Variants in UBE2F observed in about 807,000 individuals in gnomAD.
UBE2F encodes NEDD8-conjugating enzyme UBE2F.
In UBE2F, 5 loss-of-function variants were observed where a neutral mutation model predicts 29.6. That is an observed-to-expected ratio of 0.17 (90% CI 0.09 to 0.36). The LOEUF (loss-of-function observed/expected upper bound fraction) is 0.36, where lower values mean the gene tolerates loss of function less well. Ranked by LOEUF, UBE2F falls within the 10% of genes least tolerant of loss-of-function variation. The probability of loss-of-function intolerance (pLI) is 1.00; values close to 1 mark genes in which losing one functional copy is unlikely to be tolerated. For synonymous variants in UBE2F, 66 were observed against 81.8 expected (o/e 0.81, Z 1.04); for missense variants, 141 against 228.5 (o/e 0.62, Z 2.47).
chr2:238,009,224 A>G (rs1172462747), intron 4 of UBE2F, among the ~76,000 whole-genome samples: 2 of 152,138 alleles, frequency 1.3e-5, no homozygotes, highest in Non-Finnish European at 2.9e-5. Context: ...TTTTTATCAC[A>G]CTTGGGGTTT....
intron 3 of UBE2F, among the ~76,000 whole-genome samples, 194 bp from the exon 4 acceptor site, chr2:237,994,550 A>G (rs2063653463): frequency 6.6e-6 from 1 of 152,236 alleles, no homozygotes; most frequent in African/African-American, 2.4e-5. Context: ...AGCACATGAC[A>G]AAAACCACTG....
At chr2:238,013,235 G>A (rs1212748589) in intron 4 of UBE2F, among the ~76,000 whole-genome samples, 1 of 152,114 alleles carries the variant, frequency 6.6e-6, no homozygotes. Context: ...CCCAGCCTGA[G>A]CAATTGAATG....
At chr2:237,979,388 T>C (rs2063340426) in intron 2 of UBE2F, among the ~76,000 whole-genome samples, 1 of 152,182 alleles carries the variant, frequency 6.6e-6, no homozygotes, top group Non-Finnish European at 1.5e-5. Flanking sequence ...CTCACCTTCC[T>C]ATATGAGGTC....
At chr2:238,039,687 C>G (rs2064797456) in intron 9 of UBE2F, among the ~76,000 whole-genome samples, 1 of 152,186 alleles carries the variant, frequency 6.6e-6, no homozygotes, top group African/African-American at 2.4e-5. Context: ...CTTTGTGTCC[C>G]TTGCAGTAGG....
intron 5 of UBE2F, among the ~76,000 whole-genome samples, chr2:238,019,413 TG>T (rs2064239145): frequency 6.6e-6 from 1 of 152,064 alleles, no homozygotes; most frequent in Non-Finnish European, 1.5e-5. Flanking sequence ...AGTCTCACTC[TG>T]TTGCCCAGGC....
intron 2 of UBE2F, among the ~76,000 whole-genome samples, chr2:237,984,301 C>T (rs1040672587): frequency 3.9e-5 from 6 of 152,286 alleles, no homozygotes; most frequent in Middle Eastern, 3.4e-3. Context: ...CTAAGATTGT[C>T]CTCTTTAAGC....
chr2:237,992,259 CAA>C (rs2063606706), intron 3 of UBE2F, among the ~76,000 whole-genome samples: 2 of 152,196 alleles, frequency 1.3e-5, no homozygotes, highest in African/African-American at 4.8e-5. Context: ...ATATTAAAAA[CAA>C]ATACATGATG....
intron 4 of UBE2F, among the ~76,000 whole-genome samples, chr2:237,996,309 C>A (rs965426623): frequency 3.3e-4 from 50 of 152,170 alleles, no homozygotes; most frequent in African/African-American, 1.2e-3. Flanking sequence ...CTTTCTAGGG[C>A]ATTTTCAATG....
intron 6 of UBE2F, among the ~76,000 whole-genome samples, chr2:238,026,115 A>G (rs991781467): frequency 2.2e-4 from 33 of 152,112 alleles, no homozygotes; most frequent in Non-Finnish European, 4.4e-5. Flanking sequence ...AGGGGCTTTG[A>G]TATCAGACCA....
At chr2:237,988,717 G>A (rs753565149) in intron 3 of UBE2F, among the ~76,000 whole-genome samples, 2 of 151,954 alleles carry the variant, frequency 1.3e-5, no homozygotes, top group Non-Finnish European at 2.9e-5. Flanking sequence ...GCCTCTTCCA[G>A]ATGCATTCTG....
intron 4 of UBE2F, among the ~76,000 whole-genome samples, chr2:238,015,041 C>T (rs1296410956): frequency 6.6e-6 from 1 of 152,106 alleles, no homozygotes; most frequent in African/African-American, 2.4e-5. Flanking sequence ...AAAAAAAATA[C>T]GACCTTAGTC....
chr2:237,996,440 G>A (rs1449871875), intron 4 of UBE2F, among the ~76,000 whole-genome samples: 1 of 149,986 alleles, frequency 6.7e-6, no homozygotes, highest in Non-Finnish European at 1.5e-5. Flanking sequence ...TTTCTGGCAA[G>A]TCTGGATAAA....
At chr2:238,030,983 A>T (rs953930532) in intron 7 of UBE2F, among the ~76,000 whole-genome samples, 3 of 152,208 alleles carry the variant, frequency 2.0e-5, no homozygotes, top group African/African-American at 7.2e-5. Flanking sequence ...CAGCAAATTG[A>T]TGTGCAAACC....
intron 4 of UBE2F, among the ~76,000 whole-genome samples, chr2:238,002,877 C>A (rs191863012): frequency 1.1e-3 from 162 of 152,260 alleles, no homozygotes; most frequent in Non-Finnish European, 1.9e-4. Context: ...AGTGATCCAT[C>A]TGCCTTGGCC....
At chr2:238,025,298 CAG>C (rs2064396820) in intron 5 of UBE2F, 42 bp from the exon 6 acceptor site, 1 of 1,548,180 alleles carries the variant, frequency 6.5e-7, no homozygotes, top group African/African-American at 1.4e-5. Context: ...ATGTGATTTG[CAG>C]AGACTGTCGG....
chr2:238,039,623 T>C (rs2064796449), intron 9 of UBE2F, among the ~76,000 whole-genome samples: 1 of 152,218 alleles, frequency 6.6e-6, no homozygotes, highest in African/African-American at 2.4e-5. Context: ...AGCCCAGGAC[T>C]TGGACCCACC....
chr2:238,010,315 A>G (rs1394706116), intron 4 of UBE2F, among the ~76,000 whole-genome samples: 1 of 151,966 alleles, frequency 6.6e-6, no homozygotes, highest in East Asian at 1.9e-4. Flanking sequence ...CTGGGAATAC[A>G]AGTACCCGCC....
intron 5 of UBE2F, among the ~76,000 whole-genome samples, chr2:238,023,591 G>T (rs1010568970): frequency 6.6e-6 from 1 of 152,130 alleles, no homozygotes; most frequent in East Asian, 1.9e-4. Flanking sequence ...ATAAAAATTT[G>T]ATTACAAAAA....
At chr2:237,984,281 T>C (rs1285801142) in intron 2 of UBE2F, among the ~76,000 whole-genome samples, 1 of 152,222 alleles carries the variant, frequency 6.6e-6, no homozygotes, top group East Asian at 1.9e-4. Flanking sequence ...TGGCCTCCAC[T>C]TTGCCCTTTC....
Sources: allele counts gnomAD v4.1 joint callset (sites outside exome capture counted in the v4.1 genomes callset), GRCh38; gene constraint gnomAD v4.1.1; transcripts MANE v1.5; gene names NCBI Gene and HGNC (gene_info 2026-07-23, HGNC 2026-07-21).